THOC5: variants seen among roughly 807,000 people sequenced by gnomAD.
THOC5 encodes the protein Fms-interacting protein.
THOC5 carries 43 observed loss-of-function variants against 92.9 expected under a neutral mutation model. That is an observed-to-expected ratio of 0.46 (90% CI 0.36 to 0.60). THOC5 has a LOEUF of 0.60. THOC5 is among the 20% of genes least tolerant of loss of function. The pLI, the probability that THOC5 is intolerant of heterozygous loss-of-function variation, is 0.00. For synonymous variants in THOC5, 296 were observed against 320.1 expected (o/e 0.92, Z 0.80); for missense variants, 659 against 849.4 (o/e 0.78, Z 2.79).
chr22:29,543,524 G>C lies in THOC5; in HGVS notation c.259C>G (p.Arg87Gly). 1 of 1,613,610 alleles carries C rather than the reference G, an allele frequency of 6.2e-7. No individual in the cohort carries two copies. Among genetic ancestry groups the C allele is most frequent in the Non-Finnish European group, 8.5e-7 (1 of 1,179,806 alleles). Residue 87 changes from arginine (R) to glycine (G), a missense_variant, in exon 4 of 20, where the codon CGG (arginine) becomes GGG (glycine). By Grantham distance (125) the Arg-to-Gly change is moderately radical (BLOSUM62 -2). Transcript: ENST00000490103. ...AAATGCACACAGCTCTGGATCCTCCGTTCTTCTATTTCTATTGCCTGTGGG... is the reference window on the plus strand; with the variant it reads ...AAATGCACACAGCTCTGGATCCTCCCTTCTTCTATTTCTATTGCCTGTGGG... Reference protein sequence around the residue: ...GKDVAIEIEERRIQSCVHFMT... With the variant: ...GKDVAIEIEEGRIQSCVHFMT...
chr22:29,520,189 C>A (rs2146464210), intron 13 of THOC5, 85 bp from the exon 14 acceptor site: 1 of 1,171,724 alleles, frequency 8.5e-7, no homozygotes, highest in South Asian at 1.5e-5. Flanking sequence ...CCCTCCCATG[C>A]CCCACAAACC....
At chr22:29,514,677 T>C (rs955536956) in intron 17 of THOC5, among the ~76,000 whole-genome samples, 7 of 151,270 alleles carry the variant, frequency 4.6e-5, no homozygotes, top group East Asian at 1.9e-4. Flanking sequence ...TGCTTTTCAA[T>C]TTCACAATGC....
At chr22:29,533,779 A>G (rs569126531) in intron 7 of THOC5, among the ~76,000 whole-genome samples, 115 of 152,296 alleles carry the variant, frequency 7.6e-4, no homozygotes, top group Non-Finnish European at 1.4e-3. Context: ...TAAAAATTAA[A>G]ACTATAATGA....
At chr22:29,517,162 GT>G in intron 16 of THOC5, 46 bp from the exon 17 acceptor site, 1 of 1,610,624 alleles carries the variant, frequency 6.2e-7, no homozygotes, top group Non-Finnish European at 8.5e-7. Flanking sequence ...GGCTCCTCTG[GT>G]TAAACCCCCT....
At chr22:29,537,261 T>C (rs2063777504) in intron 6 of THOC5, among the ~76,000 whole-genome samples, 1 of 152,254 alleles carries the variant, frequency 6.6e-6, no homozygotes, top group South Asian at 2.1e-4. Flanking sequence ...CACTGATGGC[T>C]GAGTCAGTGC....
chr22:29,517,022 C>A lies in THOC5; in HGVS notation c.1681+7G>T. The A allele has an allele frequency of 6.2e-7, 1 of 1,613,868 alleles. No individual in the cohort carries two copies. The highest frequency in any genetic ancestry group is 8.5e-7 in the Non-Finnish European group (1 of 1,179,768). ...TCTAGAACCCCTGTAATCAGCAGAGCAATTACCTGTGCCCCTTTCGATGAG... is the reference window on the plus strand; with the variant it reads ...TCTAGAACCCCTGTAATCAGCAGAGAAATTACCTGTGCCCCTTTCGATGAG... On this transcript the variant is annotated splice_region_variant and intron_variant, in intron 17 of 19. Transcript: ENST00000490103.
chr22:29,548,041 C>G (rs1418208666), intron 2 of THOC5, among the ~76,000 whole-genome samples: 1 of 152,060 alleles, frequency 6.6e-6, no homozygotes. Flanking sequence ...CCCTGATGAG[C>G]GCATCAGATC....
chr22:29,518,467 A>G (rs2063375543), intron 15 of THOC5, among the ~76,000 whole-genome samples: 1 of 152,204 alleles, frequency 6.6e-6, no homozygotes, highest in Admixed American at 6.5e-5. Context: ...GCTCATCATT[A>G]TCACTTGGGA....
Position 29,543,524 on chromosome 22 carries a change from GTTCTTCTAT to G in THOC5, c.250_258del (p.Ile84_Glu86del), listed in dbSNP as rs1287279763. The G allele has an allele frequency of 6.2e-7, 1 of 1,613,490 alleles. No individual in the cohort carries two copies. Among genetic ancestry groups the G allele is most frequent in the African/African-American group, 1.3e-5 (1 of 74,822 alleles). Reference sequence around the variant, plus strand: ...AAATGCACACAGCTCTGGATCCTCCGTTCTTCTATTTCTATTGCCTGTGGGCAAAGAAAA... The same window carrying G: ...AAATGCACACAGCTCTGGATCCTCCGTTCTATTGCCTGTGGGCAAAGAAAA... On this transcript the variant is annotated inframe_deletion, in exon 4 of 20. Coordinates refer to ENST00000490103, the MANE Select transcript of THOC5 (RefSeq NM_003678.5).
chr22:29,528,293 G>A, intron 10 of THOC5, 116 bp from the exon 11 acceptor site: 1 of 1,613,928 alleles, frequency 6.2e-7, no homozygotes, highest in Admixed American at 1.7e-5. Flanking sequence ...CAGCTAGCTG[G>A]GTTGTCAGAC....
intron 2 of THOC5, among the ~76,000 whole-genome samples, chr22:29,545,373 A>G (rs913601696): frequency 6.6e-6 from 1 of 152,164 alleles, no homozygotes; most frequent in Admixed American, 6.5e-5. Flanking sequence ...TCACATTTCA[A>G]AACCAATCAT....
intron 5 of THOC5, among the ~76,000 whole-genome samples, chr22:29,539,772 C>T (rs904124650): frequency 1.3e-5 from 2 of 152,094 alleles, no homozygotes; most frequent in Non-Finnish European, 2.9e-5. Flanking sequence ...GAACTACTAG[C>T]TAAAAAGTCA....
In THOC5 at chr22:29,542,850, CA is replaced by C. The variant is rs1195933685; in HGVS notation, c.452+8del. 2.5e-6 allele frequency: 4 copies of C among 1,606,366 alleles called. No homozygotes were observed. The highest frequency in any genetic ancestry group is 3.4e-6 in the Non-Finnish European group (4 of 1,174,022). On this transcript the variant is annotated splice_region_variant and intron_variant, in intron 5 of 19. Coordinates refer to ENST00000490103, the MANE Select transcript of THOC5 (RefSeq NM_003678.5). ...CACATGTGCCAAAGCCCTGTCCTCC[CA>C]AACTCACTTAAACTCCAAACATTTG... is the stretch of plus-strand genomic sequence containing the variant.
chr22:29,528,411 G>C lies in THOC5; in HGVS notation c.966+15C>G. The C allele has an allele frequency of 3.1e-6, 5 of 1,613,950 alleles. No homozygotes were observed. Among genetic ancestry groups the C allele is most frequent in the Non-Finnish European group, 4.2e-6 (5 of 1,180,028 alleles). On this transcript the variant is annotated intron_variant, in intron 10 of 19. Coordinates refer to ENST00000490103, the MANE Select transcript of THOC5 (RefSeq NM_003678.5). ...GCAGCTGCTTGATGCCCCCACAAGA[G>C]GAAATGGTTCTCACCGTAGTCTGCT...
chr22:29,510,534 A>G (rs1185546141), intron 19 of THOC5, among the ~76,000 whole-genome samples: 1 of 152,150 alleles, frequency 6.6e-6, no homozygotes, highest in Non-Finnish European at 1.5e-5. Flanking sequence ...AGAGGTCAAG[A>G]CTGCAAGGCT....
chr22:29,549,196 T>C (rs1251106670), intron 1 of THOC5, 38 bp from the exon 2 acceptor site: 6 of 1,583,808 alleles, frequency 3.8e-6, no homozygotes, highest in Non-Finnish European at 5.2e-6. Flanking sequence ...TCTTCTGGAG[T>C]CATAACACTG....
In THOC5 at chr22:29,507,775, G is replaced by A. The variant is rs1217690035; in HGVS notation, c.*682C>T. 6.6e-6 allele frequency: 1 copy of A among 152,380 alleles called. No homozygotes were observed. The highest frequency in any genetic ancestry group is 1.5e-5 in the Non-Finnish European group (1 of 68,214). 9.4% of individuals were successfully genotyped at this position (152,380 alleles called of 1,614,324 possible). A position where few individuals can be genotyped will look rare whatever the true frequency, so the allele number is the denominator to read the frequency against. ...TATGTACTGACTATGTTAGCAGTAA[G>A]TAACTACTAATAGCATACTACTGGT... On this transcript the variant is annotated 3_prime_UTR_variant, in exon 20 of 20. Transcript: ENST00000490103.
intron 6 of THOC5, among the ~76,000 whole-genome samples, chr22:29,538,971 C>T (rs2063820891): frequency 1.3e-5 from 2 of 151,086 alleles, no homozygotes; most frequent in African/African-American, 2.4e-5. Context: ...AATAGATGGG[C>T]GTGGTGGTGC....
chr22:29,533,750 T>C (rs1166587144), intron 7 of THOC5, among the ~76,000 whole-genome samples: 1 of 152,132 alleles, frequency 6.6e-6, no homozygotes, highest in East Asian at 1.9e-4. Flanking sequence ...GTGTTCAACA[T>C]CACTAGTCCT....
Sources: gnomAD v4.1 joint callset for allele counts (sites outside exome capture counted in the v4.1 genomes callset) on GRCh38, gnomAD v4.1.1 for gene constraint, MANE v1.5 for transcripts, NCBI Gene and HGNC (gene_info 2026-07-23, HGNC 2026-07-21) for gene names.